NAALADL2: variants seen among roughly 807,000 people sequenced by gnomAD.
NAALADL2 encodes the protein inactive N-acetylated-alpha-linked acidic dipeptidase-like protein 2.
A neutral mutation model predicts 87.2 loss-of-function variants in NAALADL2; 76 were observed. That is an observed-to-expected ratio of 0.87 (90% CI 0.72 to 1.05). The LOEUF (loss-of-function observed/expected upper bound fraction) is 1.05, where lower values mean the gene tolerates loss of function less well. NAALADL2 is among the 50% of genes least tolerant of loss of function. The probability of loss-of-function intolerance (pLI) is 0.00; values close to 1 mark genes in which losing one functional copy is unlikely to be tolerated. For missense variants in NAALADL2, 1,089 were observed against 945.8 expected (o/e 1.15, Z -1.99); for synonymous variants, 354 against 331.0 (o/e 1.07, Z -0.75).
chr3:174,758,038 A>G (rs927773068), intron 3 of NAALADL2, among the ~76,000 whole-genome samples: 6 of 152,194 alleles, frequency 3.9e-5, no homozygotes, highest in African/African-American at 1.2e-4. Flanking sequence ...ATGAGCCTGG[A>G]GAGTTACCAA....
At chr3:175,053,287 T>C (rs1308018127) in intron 1 of NAALADL2, among the ~76,000 whole-genome samples, 1 of 152,218 alleles carries the variant, frequency 6.6e-6, no homozygotes, top group East Asian at 1.9e-4. Flanking sequence ...GTAGGAATAC[T>C]CATGGCAATG....
chr3:175,333,373 G>A (rs984461495), intron 5 of NAALADL2, among the ~76,000 whole-genome samples: 1 of 152,144 alleles, frequency 6.6e-6, no homozygotes, highest in Non-Finnish European at 1.5e-5. Context: ...GTAGGTAGGT[G>A]GCTAGGGAGC....
chr3:175,782,783 G>A (rs1751335218), intron 13 of NAALADL2, among the ~76,000 whole-genome samples: 1 of 146,020 alleles, frequency 6.8e-6, no homozygotes, highest in Non-Finnish European at 1.5e-5. Context: ...CCTTGCCCAT[G>A]CCTATGTCCT....
intron 1 of NAALADL2, among the ~76,000 whole-genome samples, chr3:174,506,450 G>C (rs1216767003): frequency 6.6e-6 from 1 of 152,070 alleles, no homozygotes; most frequent in Non-Finnish European, 1.5e-5. Context: ...CAAAGTGCTA[G>C]GATTACAGGC....
chr3:175,774,092 C>T (rs2150188007), intron 13 of NAALADL2, among the ~76,000 whole-genome samples: 1 of 152,156 alleles, frequency 6.6e-6, no homozygotes, highest in East Asian at 1.9e-4. Context: ...TGTGCTGCTA[C>T]AATTAAAGCT....
rs1232296688 is a variant in NAALADL2 at position 175,491,545 on chromosome 3, G to A, written c.1653+19787G>A. Among the ~76,000 whole-genome samples, 4 of 152,166 alleles carry A rather than the reference G, an allele frequency of 2.6e-5. No homozygotes were observed. In the East Asian group the frequency reaches 7.7e-4, roughly 29 times the overall value. On this transcript the variant is annotated intron_variant, in intron 9 of 13. Transcript: ENST00000454872. ...AGCTGAAAGTTTAAAAATCATTCCC[G>A]ATATATGTTTCTAGTTATTTACTGT... is the stretch of plus-strand genomic sequence containing the variant.
At chr3:174,875,472 C>T (rs1418771434) in intron 1 of NAALADL2, among the ~76,000 whole-genome samples, 1 of 152,012 alleles carries the variant, frequency 6.6e-6, no homozygotes, top group Non-Finnish European at 1.5e-5. Flanking sequence ...TGTTTATGTA[C>T]CTTTTTTAAG....
At chr3:175,210,096 A>G (rs1405981230) in intron 2 of NAALADL2, among the ~76,000 whole-genome samples, 1 of 151,872 alleles carries the variant, frequency 6.6e-6, no homozygotes, top group Non-Finnish European at 1.5e-5. Context: ...TAATGTAAAG[A>G]CAGCCCTTTC....
chr3:175,326,782 G>A (rs1246717751), intron 5 of NAALADL2, among the ~76,000 whole-genome samples: 8 of 152,022 alleles, frequency 5.3e-5, no homozygotes, highest in Admixed American at 2.0e-4. Context: ...AAAATAACGC[G>A]CCTGCTCTCA....
At chr3:174,579,485 T>C (rs1715918692) in intron 2 of NAALADL2, among the ~76,000 whole-genome samples, 1 of 152,060 alleles carries the variant, frequency 6.6e-6, no homozygotes, top group Non-Finnish European at 1.5e-5. Context: ...CTTCCATTTA[T>C]TTGAAATTAT....
chr3:174,485,622 A>G (rs1341497983), intron 1 of NAALADL2, among the ~76,000 whole-genome samples: 3 of 151,986 alleles, frequency 2.0e-5, no homozygotes, highest in African/African-American at 7.2e-5. Context: ...TGCAAAGGAC[A>G]TGATCTTGTT....
intron 2 of NAALADL2, among the ~76,000 whole-genome samples, chr3:175,115,013 A>G (rs1487930224): frequency 6.6e-6 from 1 of 151,682 alleles, no homozygotes; most frequent in Admixed American, 6.6e-5. Context: ...AATATCTGAA[A>G]CTGAAGCACT....
Position 174,588,431 on chromosome 3 carries a change from C to T in NAALADL2, c.-115+37794C>T, listed in dbSNP as rs140449421. 6.5e-4 allele frequency among the ~76,000 whole-genome samples: 99 copies of T among 152,286 alleles called. 1 individual carries two copies. In the East Asian group the frequency reaches 0.016, roughly 25 times the overall value. On this transcript the variant is annotated intron_variant, in intron 2 of 3. Transcript: ENST00000434257. ...TCCGTTGCTGGTGAGGAGCTGCGTTCCTTTGGAGGAGAAGAGGCGCTCTGA... is the reference window on the plus strand; with the variant it reads ...TCCGTTGCTGGTGAGGAGCTGCGTTTCTTTGGAGGAGAAGAGGCGCTCTGA...
At chr3:174,513,185 C>A (rs1339681803) in intron 1 of NAALADL2, among the ~76,000 whole-genome samples, 2 of 152,052 alleles carry the variant, frequency 1.3e-5, no homozygotes, top group Admixed American at 1.3e-4. Flanking sequence ...TGGTCTTGAA[C>A]TCCTGATCTC....
intron 3 of NAALADL2, among the ~76,000 whole-genome samples, chr3:174,825,084 G>C (rs1721836365): frequency 6.6e-6 from 1 of 152,110 alleles, no homozygotes; most frequent in East Asian, 1.9e-4. Flanking sequence ...ATGTGGCCCA[G>C]TGTATTATTT....
At chr3:175,096,459 T>G (rs1721165569) in intron 1 of NAALADL2, among the ~76,000 whole-genome samples, 1 of 151,752 alleles carries the variant, frequency 6.6e-6, no homozygotes, top group Non-Finnish European at 1.5e-5. Context: ...CATTCATGAC[T>G]GTTGTTATTC....
At chr3:174,604,640 GTA>G (rs1553796672) in intron 2 of NAALADL2, among the ~76,000 whole-genome samples, 1 of 151,902 alleles carries the variant, frequency 6.6e-6, no homozygotes, top group Non-Finnish European at 1.5e-5. Context: ...GTGTGTGTGT[GTA>G]TGTGGTGTTC....
rs866268902 is a variant in NAALADL2 at position 175,435,940 on chromosome 3, C to G, written c.1091-11289C>G. Among the ~76,000 whole-genome samples, 218 of 148,960 alleles carry G rather than the reference C, an allele frequency of 1.5e-3. 2 individuals are homozygous for G. The highest frequency in any genetic ancestry group is 4.4e-3 in the African/African-American group (177 of 40,506). On this transcript the variant is annotated intron_variant, in intron 5 of 13. Transcript: ENST00000454872. ...ATGTATACATGTGCCATGCTGGTGC[C>G]CTGCACCCACTAACTCGTCATCTAG...
chr3:174,455,974 C>T (rs913330550), intron 1 of NAALADL2, among the ~76,000 whole-genome samples: 6 of 152,094 alleles, frequency 3.9e-5, no homozygotes, highest in Non-Finnish European at 8.8e-5. Flanking sequence ...TAGTCTCAGC[C>T]CAAAAGCTCC....
Sources: gnomAD v4.1 joint callset for allele counts (sites outside exome capture counted in the v4.1 genomes callset) on GRCh38, gnomAD v4.1.1 for gene constraint, MANE v1.5 for transcripts, NCBI Gene and HGNC (gene_info 2026-07-23, HGNC 2026-07-21) for gene names.